The following DNAI4 variants were observed in gnomAD, a reference collection of about 807,000 sequenced individuals.
DNAI4 encodes the protein dynein axonemal intermediate chain 4, also known as WD repeat domain 78.
DNAI4 carries 85 observed loss-of-function variants against 105.8 expected under a neutral mutation model. That is an observed-to-expected ratio of 0.80 (90% confidence interval 0.67 to 0.96). The LOEUF (loss-of-function observed/expected upper bound fraction) is 0.96. Ranked by LOEUF, DNAI4 falls within the 40% of genes least tolerant of loss-of-function variation. DNAI4 has a pLI of 0.00. For missense variants in DNAI4, 1,014 were observed against 1,005.6 expected (o/e 1.01, Z -0.11); for synonymous variants, 352 against 331.5 (o/e 1.06, Z -0.67).
intron 1 of DNAI4, among the ~76,000 whole-genome samples, chr1:66,916,491 G>A (rs1479427957): frequency 6.6e-6 from 1 of 152,012 alleles, no homozygotes; most frequent in Non-Finnish European, 1.5e-5. Context: ...CAAAATAAAC[G>A]GCATCCCTGA....
At chr1:66,820,970 T>C (rs368682511) in intron 16 of DNAI4, among the ~76,000 whole-genome samples, 5 of 152,224 alleles carry the variant, frequency 3.3e-5, no homozygotes, top group South Asian at 2.1e-4. Flanking sequence ...TTTTCTTTTC[T>C]TATCATCTCA....
intron 4 of DNAI4, among the ~76,000 whole-genome samples, chr1:66,875,276 A>T (rs1381574260): frequency 6.6e-6 from 1 of 152,174 alleles, no homozygotes; most frequent in Non-Finnish European, 1.5e-5. Flanking sequence ...AGGCAAGTAT[A>T]TTTAGGGGGC....
At chr1:66,848,244 A>G (rs558968506) in intron 7 of DNAI4, 8 of 456,090 alleles carry the variant, frequency 1.8e-5, no homozygotes, top group Non-Finnish European at 3.5e-5. Context: ...TTCATCTTCA[A>G]AGACAGCAAC....
intron 1 of DNAI4, chr1:66,921,246 G>A (rs1650457050): frequency 6.6e-6 from 1 of 152,210 alleles, no homozygotes; most frequent in Non-Finnish European, 1.5e-5. Context: ...AGAGAAATAG[G>A]ATGAAGAGGT....
intron 4 of DNAI4, among the ~76,000 whole-genome samples, chr1:66,885,250 C>T (rs953134206): frequency 6.6e-6 from 1 of 152,098 alleles, no homozygotes; most frequent in African/African-American, 2.4e-5. Context: ...TGTTTTATGG[C>T]CCAGAATGTG....
In DNAI4 at chr1:66,890,880, A is replaced by AAGAAGC; in HGVS notation, c.643+268_643+273dup. ...GAAGAGGAAGAGGAAGAAGAAGAAG[A>AAGAAGC]AGAAGCAGAAGCAGCAGCAGCAACA... is the stretch of plus-strand genomic sequence containing the variant. On this transcript the variant is annotated intron_variant, in intron 4 of 16. Coordinates refer to ENST00000371026, the MANE Select transcript of DNAI4 (RefSeq NM_024763.5). The surrounding 1 kb of genome is among the most constrained non-coding windows in gnomAD (Gnocchi z 4.1). 3 of 474,852 alleles carry AAGAAGC rather than the reference A, an allele frequency of 6.3e-6. No individual in the cohort carries two copies. The highest frequency in any genetic ancestry group is 9.1e-5 in the East Asian group (2 of 22,004). The allele number at this position is 474,852 out of a possible 1,614,324, so 29.4% of individuals were successfully genotyped here.
intron 6 of DNAI4, among the ~76,000 whole-genome samples, chr1:66,868,239 T>C (rs1213052571): frequency 6.6e-6 from 1 of 152,234 alleles, no homozygotes; most frequent in Non-Finnish European, 1.5e-5. Context: ...CTATATTTTC[T>C]TTGTAATGTT....
chr1:66,873,451 G>A (rs758671323), intron 5 of DNAI4, among the ~76,000 whole-genome samples: 7 of 149,466 alleles, frequency 4.7e-5, no homozygotes, highest in African/African-American at 7.3e-5. Flanking sequence ...TAGGGCTCTC[G>A]CCATGTTGCA....
Position 66,836,295 on chromosome 1 carries a change from A to C in DNAI4, c.1582-518T>G, listed in dbSNP as rs866758582. On this transcript the variant is annotated intron_variant, in intron 10 of 16. Coordinates refer to ENST00000371026, the MANE Select transcript of DNAI4 (RefSeq NM_024763.5). Reference sequence around the variant, plus strand: ...AAGAAAGAAAGAAAGAAAGAAAGAAAGAAAGAAAGAAAGAAAGAAAGAAAG... The same window carrying C: ...AAGAAAGAAAGAAAGAAAGAAAGAACGAAAGAAAGAAAGAAAGAAAGAAAG... Among the ~76,000 whole-genome samples the C allele has an allele frequency of 1.8e-4, 27 of 150,786 alleles. 1 individual carries two copies. Among genetic ancestry groups the C allele is most frequent in the Admixed American group, 4.6e-4 (7 of 15,184 alleles).
chr1:66,845,217 T>TAAAAAAAAAAAAAA (rs869249698), intron 8 of DNAI4, among the ~76,000 whole-genome samples: 2 of 38,108 alleles, frequency 5.2e-5, no homozygotes, highest in Non-Finnish European at 5.2e-5. Context: ...AAAGAAAAAT[T>TAAAAAAAAAAAAAA]AAAAAAAAAA....
Position 66,840,660 on chromosome 1 carries a change from C to T in DNAI4, c.1303G>A (p.Glu435Lys). The T allele has an allele frequency of 6.2e-7, 1 of 1,614,140 alleles. No individual in the cohort carries two copies. The highest frequency in any genetic ancestry group is 8.5e-7 in the Non-Finnish European group (1 of 1,180,008). Residue 435 changes from glutamate (E) to lysine (K), a missense_variant, in exon 9 of 17, where the codon GAA (glutamate) becomes AAA (lysine). Transcript: ENST00000371026. Reference protein sequence around the residue: ...QLPVLKEPEPEEPEDVLESAK... With the variant: ...QLPVLKEPEPKEPEDVLESAK... ...CTTTCTAAAACATCTTCAGGCTCTT[C>T]AGGTTCAGGTTCTAAAGTTTAAACA...
chr1:66,917,553 A>G (rs762090326), intron 1 of DNAI4, among the ~76,000 whole-genome samples: 1 of 152,240 alleles, frequency 6.6e-6, no homozygotes, highest in African/African-American at 2.4e-5. Context: ...CTGAACTGAC[A>G]AGAGACTAAA....
Position 66,847,487 on chromosome 1 carries a change from T to C in DNAI4, c.1288A>G (p.Lys430Glu). The part of the protein sequence containing the change: ...LAAYRQLPVL[K>E]EPEPEEPEDV... Reference sequence around the variant, plus strand: ...CATGTTTATTTTTTTTAAATACCTTTTAAAACAGGAAGCTGACGATAAGCT... The same window carrying C: ...CATGTTTATTTTTTTTAAATACCTTCTAAAACAGGAAGCTGACGATAAGCT... The change falls in exon 8 of 17, where the codon AAA (lysine) becomes GAA (glutamate). Residue 430 changes from lysine (K) to glutamate (E), a missense_variant. By Grantham distance (56) the Lys-to-Glu change is moderately conservative. Transcript: ENST00000371026. 1 of 1,611,982 alleles carries C rather than the reference T, an allele frequency of 6.2e-7. No individual in the cohort carries two copies. The highest frequency in any genetic ancestry group is 1.7e-4 in the Middle Eastern group (1 of 6,044).
At chr1:66,855,214 C>T (rs574402013) in intron 7 of DNAI4, among the ~76,000 whole-genome samples, 1 of 152,230 alleles carries the variant, frequency 6.6e-6, no homozygotes, top group African/African-American at 2.4e-5. Flanking sequence ...ACTAGCCAAT[C>T]CTAAACTTGC....
intron 4 of DNAI4, among the ~76,000 whole-genome samples, chr1:66,876,854 G>A (rs1646969386): frequency 6.6e-6 from 1 of 152,100 alleles, no homozygotes. Flanking sequence ...AGAGGAGGGA[G>A]CTCCAGCCTA....
intron 16 of DNAI4, among the ~76,000 whole-genome samples, chr1:66,821,091 CTTTTTTTTTT>C (rs55811909): frequency 6.2e-5 from 5 of 80,326 alleles, no homozygotes; most frequent in South Asian, 4.8e-4. Context: ...AAACATTTCT[CTTTTTTTTTT>C]TTTTTTTTTT....
In DNAI4 at chr1:66,890,883, A is replaced by AAGAAGC. The variant is rs1020993952; in HGVS notation, c.643+270_643+271insGCTTCT. On this transcript the variant is annotated intron_variant, in intron 4 of 16. Transcript: ENST00000371026. This position sits in a 1 kb window ranked among gnomAD's most constrained non-coding sequence, Gnocchi z 4.1. The stretch of plus-strand genomic sequence containing the variant: ...GAGGAAGAGGAAGAAGAAGAAGAAG[A>AAGAAGC]AGCAGAAGCAGCAGCAGCAACAGCA... 1.3e-5 allele frequency: 6 copies of AAGAAGC among 478,950 alleles called. No homozygotes were observed. Among genetic ancestry groups the AAGAAGC allele is most frequent in the African/African-American group, 2.0e-5 (1 of 49,974 alleles). 29.7% of individuals were successfully genotyped at this position (478,950 alleles called of 1,614,324 possible).
At chr1:66,850,914 C>T (rs2100547165) in intron 7 of DNAI4, among the ~76,000 whole-genome samples, 1 of 151,574 alleles carries the variant, frequency 6.6e-6, no homozygotes, top group East Asian at 1.9e-4. Context: ...AGCAAGAAAG[C>T]AGGAAGAAGA....
intron 2 of DNAI4, 140 bp downstream of exon 2, chr1:66,905,061 T>C (rs1280128956): frequency 1.6e-6 from 1 of 617,210 alleles, no homozygotes; most frequent in Non-Finnish European, 2.6e-6. Flanking sequence ...TATGGAATAA[T>C]ATGTGGTAAA....
Sources: gnomAD v4.1 joint callset for allele counts (sites outside exome capture counted in the v4.1 genomes callset) on GRCh38, gnomAD v4.1.1 for gene constraint, Gnocchi (gnomAD v3.1) non-coding constraint, MANE v1.5 for transcripts, NCBI Gene and HGNC (gene_info 2026-07-23, HGNC 2026-07-21) for gene names.